Variants in CSMD1 observed in about 807,000 individuals in gnomAD.
CSMD1 encodes CUB and sushi domain-containing protein 1.
In CSMD1, 213 loss-of-function variants were observed where a neutral mutation model predicts 417.5. The observed-to-expected ratio is 0.51, with a 90% CI of 0.46 to 0.57. CSMD1 has a LOEUF of 0.57. Ranked by LOEUF, CSMD1 falls within the 20% of genes least tolerant of loss-of-function variation. CSMD1 has a pLI of 0.00. For synonymous variants in CSMD1, 2,862 were observed against 1,736.8 expected (o/e 1.65, Z -16.11); for missense variants, 6,923 against 4,529.7 (o/e 1.53, Z -15.17).
At chr8:3,934,328 G>C (rs903799022) in intron 5 of CSMD1, among the ~76,000 whole-genome samples, 2 of 152,088 alleles carry the variant, frequency 1.3e-5, no homozygotes, top group African/African-American at 4.8e-5. Flanking sequence ...TTCAAAAATA[G>C]TTAACACGTA....
chr8:4,127,480 G>A (rs1714788), intron 3 of CSMD1, among the ~76,000 whole-genome samples: 1,144 of 67,780 alleles, frequency 0.017, 15 homozygotes, highest in Non-Finnish European at 0.026. Context: ...AAAAAAAAAA[G>A]AAAATCATAA....
chr8:4,245,944 T>C (rs1182947153), intron 3 of CSMD1, among the ~76,000 whole-genome samples: 1 of 152,218 alleles, frequency 6.6e-6, no homozygotes, highest in Non-Finnish European at 1.5e-5. Flanking sequence ...TGACTTTTCC[T>C]TCTAAACAAT....
chr8:4,121,347 T>G (rs1443979807), intron 3 of CSMD1, among the ~76,000 whole-genome samples: 5 of 152,096 alleles, frequency 3.3e-5, no homozygotes, highest in Admixed American at 6.6e-5. Flanking sequence ...ACTCCTGACC[T>G]CAGATGATCC....
At chr8:4,638,112 A>T (rs1365405174) in intron 1 of CSMD1, among the ~76,000 whole-genome samples, 1 of 152,210 alleles carries the variant, frequency 6.6e-6, no homozygotes, top group African/African-American at 2.4e-5. Context: ...AAGTTTAGGG[A>T]AGTTCTTTAT....
intron 36 of CSMD1, among the ~76,000 whole-genome samples, chr8:3,181,960 A>T (rs748397348): frequency 4.6e-5 from 7 of 152,198 alleles, no homozygotes; most frequent in Non-Finnish European, 1.0e-4. Context: ...TGGAAAAATA[A>T]TAGACAAGTT....
At chr8:3,241,164 T>C (rs1799484156) in intron 26 of CSMD1, among the ~76,000 whole-genome samples, 1 of 151,714 alleles carries the variant, frequency 6.6e-6, no homozygotes, top group South Asian at 2.1e-4. Context: ...GGGAAGCAGA[T>C]AATTTAGTTA....
chr8:4,257,157 A>C (rs190271076), intron 3 of CSMD1, among the ~76,000 whole-genome samples: 1 of 151,956 alleles, frequency 6.6e-6, no homozygotes, highest in African/African-American at 2.4e-5. Context: ...CAAATTACTA[A>C]AAGTTTGACC....
intron 5 of CSMD1, among the ~76,000 whole-genome samples, chr8:3,865,990 C>T (rs550215712): frequency 6.6e-6 from 1 of 152,250 alleles, no homozygotes; most frequent in East Asian, 1.9e-4. Context: ...ATTTCACCAT[C>T]ATCTGTAGTC....
At chr8:4,548,538 A>C (rs1797730857) in intron 2 of CSMD1, among the ~76,000 whole-genome samples, 1 of 152,202 alleles carries the variant, frequency 6.6e-6, no homozygotes, top group East Asian at 1.9e-4. Context: ...AATGCCTTTC[A>C]TGTCACACTG....
intron 40 of CSMD1, among the ~76,000 whole-genome samples, chr8:3,145,765 T>A (rs1301985409): frequency 6.6e-6 from 1 of 152,210 alleles, no homozygotes; most frequent in Admixed American, 6.5e-5. Flanking sequence ...TTCTATTGTC[T>A]CAGAGAGTAC....
At chr8:4,509,983 G>A (rs998630700) in intron 2 of CSMD1, among the ~76,000 whole-genome samples, 1 of 152,062 alleles carries the variant, frequency 6.6e-6, no homozygotes, top group African/African-American at 2.4e-5. Flanking sequence ...CAAATCTCAT[G>A]GTGAAATGTA....
intron 7 of CSMD1, chr8:3,700,401 C>T (rs530501749): frequency 1.3e-5 from 2 of 152,082 alleles, no homozygotes; most frequent in Non-Finnish European, 2.9e-5. Context: ...AATAAACATA[C>T]ACGTATATGT....
intron 5 of CSMD1, among the ~76,000 whole-genome samples, chr8:3,771,236 G>C (rs891787267): frequency 3.9e-5 from 6 of 152,238 alleles, no homozygotes; most frequent in Non-Finnish European, 7.4e-5. Context: ...TTGAAATCGT[G>C]TTTGGCTCCG....
chr8:3,063,579 G>A (rs1015909264), intron 49 of CSMD1, among the ~76,000 whole-genome samples: 18 of 152,132 alleles, frequency 1.2e-4, no homozygotes, highest in African/African-American at 2.7e-4. Flanking sequence ...GAAAGCAATC[G>A]AAGTGTCTGC....
intron 5 of CSMD1, among the ~76,000 whole-genome samples, chr8:3,876,366 T>C (rs189484464): frequency 1.2e-3 from 188 of 152,318 alleles, no homozygotes; most frequent in African/African-American, 4.3e-3. Context: ...TGTATAGTGT[T>C]GTCCTAGAGT....
chr8:4,097,305 C>A (rs1283266243), intron 3 of CSMD1, among the ~76,000 whole-genome samples: 3 of 152,128 alleles, frequency 2.0e-5, no homozygotes, highest in African/African-American at 7.2e-5. Context: ...ATGGGTGATA[C>A]TGAAACACTT....
At chr8:3,296,514 C>T (rs1803978753) in intron 25 of CSMD1, among the ~76,000 whole-genome samples, 1 of 152,060 alleles carries the variant, frequency 6.6e-6, no homozygotes, top group South Asian at 2.1e-4. Context: ...AGGCAGGAGT[C>T]CTCACCAACA....
At chr8:3,158,095 T>A (rs972904417) in intron 38 of CSMD1, 129 bp from the exon 39 acceptor site, 8 of 756,748 alleles carry the variant, frequency 1.1e-5, no homozygotes, top group Admixed American at 5.2e-5. Flanking sequence ...TCAAAAATTG[T>A]GAAATCTGTT....
intron 3 of CSMD1, among the ~76,000 whole-genome samples, chr8:4,053,542 G>C (rs1303162534): frequency 6.6e-6 from 1 of 151,902 alleles, no homozygotes; most frequent in Non-Finnish European, 1.5e-5. Flanking sequence ...ATCTCAAGTG[G>C]TTTTCTCTGA....
Sources: allele counts gnomAD v4.1 joint callset (sites outside exome capture counted in the v4.1 genomes callset), GRCh38; gene constraint gnomAD v4.1.1; transcripts MANE v1.5; gene names NCBI Gene and HGNC (gene_info 2026-07-23, HGNC 2026-07-21).